VEPH1: variants seen among roughly 807,000 people sequenced by gnomAD.
The protein encoded by VEPH1 is ventricular zone-expressed PH domain-containing protein homolog 1.
A neutral mutation model predicts 85.2 loss-of-function variants in VEPH1; 80 were observed. The ratio of observed to expected loss-of-function variants is 0.94; its 90% CI spans 0.78 to 1.13. VEPH1 has a LOEUF of 1.13. Among genes scored for constraint, VEPH1 ranks in the 50% most tolerant of loss-of-function variants. The pLI, the probability that VEPH1 is intolerant of heterozygous loss-of-function variation, is 0.00. For missense variants in VEPH1, 955 were observed against 980.5 expected (o/e 0.97, Z 0.35); for synonymous variants, 297 against 348.0 (o/e 0.85, Z 1.63).
rs79022218 is a variant in VEPH1, at chr3:157,273,124, C to G, written c.2129-7462G>C. Among the ~76,000 whole-genome samples the G allele has an allele frequency of 9.8e-5, 15 of 152,316 alleles. No individual in the cohort carries two copies. The East Asian group carries it at 2.7e-3, about 27-fold the overall frequency. On this transcript the variant is annotated intron_variant, in intron 12 of 13. Coordinates refer to ENST00000362010, the MANE Select transcript of VEPH1 (RefSeq NM_001167912.2). The stretch of plus-strand genomic sequence containing the variant: ...AATAAGATGCCCCCAGTGGTTTCTT[C>G]TCAGTTAATAAGAGAATTTAGCATT...
chr3:157,395,665 A>T (rs547274966), intron 6 of VEPH1, among the ~76,000 whole-genome samples: 3 of 152,144 alleles, frequency 2.0e-5, no homozygotes, highest in Non-Finnish European at 2.9e-5. Context: ...ACTCAGGTCC[A>T]TCCACATATC....
intron 11 of VEPH1, among the ~76,000 whole-genome samples, chr3:157,291,523 A>G (rs549419964): frequency 1.9e-4 from 29 of 152,372 alleles, no homozygotes; most frequent in Non-Finnish European, 4.1e-4. Flanking sequence ...AGCACCTGGT[A>G]TCAGGAACCA....
chr3:157,312,900 A>ATTTTT (rs140277345), intron 11 of VEPH1, among the ~76,000 whole-genome samples: 59 of 98,082 alleles, frequency 6.0e-4, no homozygotes, highest in African/African-American at 2.2e-3. Flanking sequence ...AAAAAAAAAC[A>ATTTTT]TTTTTTTTTT....
chr3:157,375,777 T>C (rs1313769231), intron 7 of VEPH1, among the ~76,000 whole-genome samples: 1 of 152,192 alleles, frequency 6.6e-6, no homozygotes, highest in East Asian at 1.9e-4. Context: ...TAATTTCGCT[T>C]TCATTATCCC....
intron 6 of VEPH1, among the ~76,000 whole-genome samples, chr3:157,389,414 T>G (rs117574620): frequency 6.6e-6 from 1 of 152,322 alleles, no homozygotes; most frequent in East Asian, 1.9e-4. Context: ...GTTTACAGTA[T>G]GAGAGCTGAA....
chr3:157,269,765 T>C (rs1157638000), intron 12 of VEPH1, among the ~76,000 whole-genome samples: 1 of 151,230 alleles, frequency 6.6e-6, no homozygotes, highest in African/African-American at 2.4e-5. Context: ...TATCACAGCC[T>C]CTTCACAGCT....
In VEPH1 at chr3:157,428,362, A is replaced by G; in HGVS notation, c.656T>C (p.Leu219Pro). 2 of 1,614,160 alleles carry G rather than the reference A, an allele frequency of 1.2e-6. No individual in the cohort carries two copies. Among genetic ancestry groups the G allele is most frequent in the Non-Finnish European group, 1.7e-6 (2 of 1,180,002 alleles). ...CTTTGCTGCTACATGCAAAAGCCGT[A>G]GTAGATGGTACTGTTCTGGCTGTTC... is the stretch of plus-strand genomic sequence containing the variant. ...QLEQPEQYHL[L>P]RLLHVAAKKK... Residue 219 changes from leucine (L) to proline (P), a missense_variant, in exon 5 of 14, where the codon CTA becomes CCA. Physicochemically the swap from Leu to Pro is moderately conservative, Grantham distance 98. Transcript: ENST00000362010.
chr3:157,350,627 G>A (rs1183390010), intron 9 of VEPH1, among the ~76,000 whole-genome samples: 2 of 151,940 alleles, frequency 1.3e-5, no homozygotes, highest in East Asian at 3.8e-4. Flanking sequence ...TCATACAACA[G>A]GATATTAACA....
In VEPH1 at chr3:157,470,578, C is replaced by A. The variant is rs775123911; in HGVS notation, c.139-49G>T. On this transcript the variant is annotated intron_variant, in intron 2 of 13. Coordinates refer to ENST00000362010, the MANE Select transcript of VEPH1 (RefSeq NM_001167912.2). ...GTTAAATAATACTCTAGAAAGTTAT[C>A]CTTCAAAGGACAAAATACTAACTCA... The A allele has an allele frequency of 7.0e-6, 11 of 1,579,044 alleles. No homozygotes were observed. In the South Asian group the frequency reaches 1.0e-4, roughly 14 times the overall value.
intron 12 of VEPH1, among the ~76,000 whole-genome samples, chr3:157,272,291 T>TCCTTC (rs1553754584): frequency 8.1e-5 from 12 of 148,090 alleles, no homozygotes; most frequent in Admixed American, 2.0e-4. Context: ...CTTCCTTCCT[T>TCCTTC]CCTTCCCTTC....
At chr3:157,360,452 G>T (rs1725920737) in intron 9 of VEPH1, among the ~76,000 whole-genome samples, 1 of 151,706 alleles carries the variant, frequency 6.6e-6, no homozygotes, top group Non-Finnish European at 1.5e-5. Context: ...TTTTTTTTAA[G>T]TACAGATGAT....
At chr3:157,419,106 G>A (rs1732138200) in intron 5 of VEPH1, among the ~76,000 whole-genome samples, 1 of 152,186 alleles carries the variant, frequency 6.6e-6, no homozygotes, top group Admixed American at 6.5e-5. Context: ...AATAAATAGT[G>A]CTGGGAGAAG....
At chr3:157,438,071 A>ACACC (rs1478919297) in intron 4 of VEPH1, among the ~76,000 whole-genome samples, 15 of 146,290 alleles carry the variant, frequency 1.0e-4, no homozygotes, top group Non-Finnish European at 1.8e-4. Flanking sequence ...ACACACACAC[A>ACACC]CCCCTATTTC....
At chr3:157,437,364 A>T in intron 4 of VEPH1, 1 of 988,848 alleles carries the variant, frequency 1.0e-6, no homozygotes. Flanking sequence ...TGAGACATTT[A>T]CATGCTGTTT....
intron 9 of VEPH1, among the ~76,000 whole-genome samples, chr3:157,320,259 T>C (rs1465527274): frequency 6.6e-6 from 1 of 152,142 alleles, no homozygotes; most frequent in African/African-American, 2.4e-5. Context: ...GTTTATGAGA[T>C]AATGGAGGGA....
chr3:157,461,686 C>A (rs912926287), intron 3 of VEPH1, among the ~76,000 whole-genome samples: 6 of 152,128 alleles, frequency 3.9e-5, no homozygotes, highest in East Asian at 3.9e-4. Flanking sequence ...AATTCCTGAG[C>A]AATAGAAATG....
chr3:157,335,353 C>T (rs1005124839), intron 9 of VEPH1, among the ~76,000 whole-genome samples: 5 of 151,536 alleles, frequency 3.3e-5, no homozygotes, highest in East Asian at 2.0e-4. Context: ...GCCGTGTTTG[C>T]ATCACTGCAC....
At chr3:157,495,128 A>G in intron 2 of VEPH1, 84 bp downstream of exon 2, 1 of 1,386,966 alleles carries the variant, frequency 7.2e-7, no homozygotes, top group East Asian at 2.3e-5. Flanking sequence ...TCCCCTGCAA[A>G]GATCTTTCTG....
At chr3:157,436,781 A>C in intron 4 of VEPH1, 3 of 571,018 alleles carry the variant, frequency 5.3e-6, no homozygotes, top group South Asian at 2.4e-5. Flanking sequence ...CAGTGCCACC[A>C]GCATTACTCA....
Sources: gnomAD v4.1 joint callset for allele counts (sites outside exome capture counted in the v4.1 genomes callset) on GRCh38, gnomAD v4.1.1 for gene constraint, MANE v1.5 for transcripts, NCBI Gene and HGNC (gene_info 2026-07-23, HGNC 2026-07-21) for gene names.